The following TOPAZ1 variants were observed in gnomAD, a reference collection of about 807,000 sequenced individuals.
TOPAZ1 encodes the protein testis and ovary specific TOPAZ 1.
In TOPAZ1, 66 loss-of-function variants were observed where a neutral mutation model predicts 172.2. That is an observed-to-expected ratio of 0.38 (90% CI 0.31 to 0.47). The LOEUF (loss-of-function observed/expected upper bound fraction) is 0.47. Among genes scored for constraint, TOPAZ1 ranks in the 20% least tolerant of loss-of-function variants. The pLI, the probability that TOPAZ1 is intolerant of heterozygous loss-of-function variation, is 0.99. For synonymous variants in TOPAZ1, 681 were observed against 683.9 expected, an observed-to-expected ratio of 1.00 and a Z score of 0.07; for missense variants, 1,822 against 1,972.4, an observed-to-expected ratio of 0.92 and a Z score of 1.44.
chr3:44,296,252 A>T (rs1700192305), intron 12 of TOPAZ1, among the ~76,000 whole-genome samples: 1 of 152,174 alleles, frequency 6.6e-6, no homozygotes, highest in Admixed American at 6.5e-5. Flanking sequence ...CTAAGCTCCC[A>T]CCTCACAAAA....
rs1040779864 is a variant in TOPAZ1, at chr3:44,242,359, A to T, written c.306A>T (p.Ala102=). ...CGTCAGACCCGCGAGGCCTAGAAGC[A>T]GCAAAGGAGGCTGAACTCCCCTTGC... The part of the protein sequence containing the change: ...SDSSDPRGLE[A]AKEAELPLQT... The change falls in exon 1 of 20, where the codon GCA becomes GCT. Residue 102 remains alanine, a synonymous_variant. Coordinates refer to ENST00000309765, the MANE Select transcript of TOPAZ1 (RefSeq NM_001145030.2). The T allele has an allele frequency of 6.4e-7, 1 of 1,552,356 alleles. No homozygotes were observed. Among genetic ancestry groups the T allele is most frequent in the Non-Finnish European group, 8.7e-7 (1 of 1,147,146 alleles).
At position 44,331,908 on chromosome 3, in the gene TOPAZ1, TTAA is replaced by T. The variant is rs1264341953; in HGVS notation, c.4980_4982del (p.Asn1660del). On this transcript the variant is annotated inframe_deletion, in exon 20 of 20. Coordinates refer to ENST00000309765, the MANE Select transcript of TOPAZ1 (RefSeq NM_001145030.2). ...TTCGTTAAACACATGACTGTCAATG[TTAA>T]TAAGGAACAGGTTTATAGTTTGGAA... 21 of 1,551,626 alleles carry T rather than the reference TTAA, an allele frequency of 1.4e-5. No homozygotes were observed. The highest frequency in any genetic ancestry group is 1.6e-5 in the Non-Finnish European group (18 of 1,146,988).
At chr3:44,285,944 C>T (rs1209954108) in intron 9 of TOPAZ1, among the ~76,000 whole-genome samples, 1 of 151,774 alleles carries the variant, frequency 6.6e-6, no homozygotes, top group Non-Finnish European at 1.5e-5. Context: ...TGCAGTGGCT[C>T]ATGCCTATAA....
downstream of TOPAZ1, among the ~76,000 whole-genome samples, chr3:44,334,964 T>C (rs932506179): frequency 6.6e-6 from 1 of 152,154 alleles, no homozygotes; most frequent in Non-Finnish European, 1.5e-5. Context: ...CATGTTCACA[T>C]AGTGTGATTT....
rs1277999508 is a variant in TOPAZ1, at chr3:44,321,110, G to A, written c.4390G>A (p.Ala1464Thr). ...LNRHNLLCTI[A>T]HEILAKSLYR... Reference sequence around the variant, plus strand: ...TCGACATAATTTACTCTGTACAATTGCACATGAAATCTTAGCCAAGAGCCT... The same window carrying A: ...TCGACATAATTTACTCTGTACAATTACACATGAAATCTTAGCCAAGAGCCT... Residue 1464 changes from alanine to threonine, a missense_variant, in exon 17 of 20, where the codon GCA becomes ACA. Ala to Thr is a moderately conservative substitution (Grantham distance 58). This residue lies in a region of TOPAZ1 where 333 missense variants were observed against 481.7 expected (regional missense o/e 0.69). Transcript: ENST00000309765. The A allele has an allele frequency of 4.5e-6, 7 of 1,550,636 alleles. No homozygotes were observed. The South Asian group carries it at 7.2e-5, about 16-fold the overall frequency.
chr3:44,293,003 A>G (rs1700154736), intron 12 of TOPAZ1, among the ~76,000 whole-genome samples: 1 of 152,148 alleles, frequency 6.6e-6, no homozygotes, highest in Non-Finnish European at 1.5e-5. Flanking sequence ...CCCCATAATA[A>G]TGTTTTGGTT....
At chr3:44,313,635 GCC>G (rs1202762124) in intron 16 of TOPAZ1, among the ~76,000 whole-genome samples, 1 of 138,642 alleles carries the variant, frequency 7.2e-6, no homozygotes. Flanking sequence ...AAAAAAAAAA[GCC>G]CCCCACTTTA....
intron 16 of TOPAZ1, among the ~76,000 whole-genome samples, chr3:44,317,699 G>C (rs545314145): frequency 6.6e-6 from 1 of 152,218 alleles, no homozygotes; most frequent in East Asian, 1.9e-4. Context: ...TAGACAAATA[G>C]AAAATATTTC....
chr3:44,244,449 G>T lies in TOPAZ1; in HGVS notation c.1943G>T (p.Gly648Val). ...AATTTGACAGCGACTTCCAAAGATG[G>T]TCAGGAAGCAAATAACTCTGCAGGC... ...KLNLTATSKDGQEANNSAGKT... is the reference protein window; with the variant it reads ...KLNLTATSKDVQEANNSAGKT... Residue 648 changes from glycine to valine, a missense_variant, in exon 2 of 20, where the codon GGT (glycine) becomes GTT (valine). Transcript: ENST00000309765. 2 of 1,551,654 alleles carry T rather than the reference G, an allele frequency of 1.3e-6. No homozygotes were observed. Among genetic ancestry groups the T allele is most frequent in the Middle Eastern group, 1.7e-4 (1 of 5,992 alleles).
intron 11 of TOPAZ1, among the ~76,000 whole-genome samples, chr3:44,289,102 G>A (rs1346246807): frequency 6.6e-6 from 1 of 152,116 alleles, no homozygotes; most frequent in African/African-American, 2.4e-5. Flanking sequence ...ATTTACCCTG[G>A]TCTTTGAGCA....
At chr3:44,329,138 G>C (rs1700635990) in intron 19 of TOPAZ1, among the ~76,000 whole-genome samples, 1 of 152,182 alleles carries the variant, frequency 6.6e-6, no homozygotes, top group Non-Finnish European at 1.5e-5. Flanking sequence ...TATTACATTA[G>C]TTATCTGTTG....
chr3:44,305,443 C>G (rs1700325741), intron 14 of TOPAZ1, 122 bp downstream of exon 14: 2 of 762,938 alleles, frequency 2.6e-6, no homozygotes, highest in African/African-American at 3.7e-5. Context: ...GGTCATAGCT[C>G]ACCGCAGCCT....
intron 18 of TOPAZ1, among the ~76,000 whole-genome samples, chr3:44,323,978 T>C (rs1168355610): frequency 6.6e-6 from 1 of 152,200 alleles, no homozygotes; most frequent in Non-Finnish European, 1.5e-5. Flanking sequence ...CACTATCATG[T>C]ATATAACAAA....
chr3:44,294,590 C>T (rs1405312290), intron 12 of TOPAZ1, among the ~76,000 whole-genome samples: 1 of 152,130 alleles, frequency 6.6e-6, no homozygotes, highest in African/African-American at 2.4e-5. Context: ...CAGCCTCAAC[C>T]TCTTGGGCTC....
chr3:44,298,333 G>A (rs2125696878), intron 12 of TOPAZ1, among the ~76,000 whole-genome samples: 1 of 152,196 alleles, frequency 6.6e-6, no homozygotes, highest in South Asian at 2.1e-4. Flanking sequence ...TCACGCACCT[G>A]TAGTCCCAGC....
chr3:44,297,469 A>T (rs1700213067), intron 12 of TOPAZ1, among the ~76,000 whole-genome samples: 1 of 152,250 alleles, frequency 6.6e-6, no homozygotes, highest in Admixed American at 6.5e-5. Context: ...TCAGCAAATT[A>T]TGAATAAAGG....
intron 7 of TOPAZ1, among the ~76,000 whole-genome samples, 174 bp from the exon 8 acceptor site, chr3:44,270,511 A>G (rs1029120978): frequency 2.0e-5 from 3 of 152,192 alleles, no homozygotes; most frequent in African/African-American, 7.2e-5. Flanking sequence ...TTTTTTAATT[A>G]TTTTTGAAAA....
At chr3:44,298,910 T>TATATATATATATATATATATATATATA (rs1491140048) in intron 12 of TOPAZ1, among the ~76,000 whole-genome samples, 5 of 16,212 alleles carry the variant, frequency 3.1e-4, no homozygotes, top group East Asian at 8.6e-3. Flanking sequence ...TATATATATA[T>TATATATATATATATATATATATATATA]TTTTTTTTTT....
chr3:44,250,353 C>T (rs1175689636), intron 2 of TOPAZ1, among the ~76,000 whole-genome samples: 1 of 151,436 alleles, frequency 6.6e-6, no homozygotes, highest in Non-Finnish European at 1.5e-5. Flanking sequence ...TTTATTGTCC[C>T]ATTCCGCTGA....
Sources: allele counts gnomAD v4.1 joint callset (sites outside exome capture counted in the v4.1 genomes callset), GRCh38; gene constraint gnomAD v4.1.1; regional missense constraint gnomAD v4.1.1; transcripts MANE v1.5; gene names NCBI Gene and HGNC (gene_info 2026-07-23, HGNC 2026-07-21).